CA9: variants seen among roughly 807,000 people sequenced by gnomAD.
The protein encoded by CA9 is carbonic anhydrase 9.
Under a neutral mutation model 51.8 loss-of-function variants are expected in CA9, and 43 were observed. The ratio of observed to expected loss-of-function variants is 0.83; its 90% CI spans 0.65 to 1.07. CA9 has a LOEUF of 1.07. Ranked by LOEUF, CA9 falls within the 50% of genes least tolerant of loss-of-function variation. The pLI is 0.00. For missense variants in CA9, 574 were observed against 581.4 expected (o/e 0.99, Z 0.13); for synonymous variants, 253 against 244.2 (o/e 1.04, Z -0.34).
At chr9:35,677,098 G>A (rs888916871) in intron 5 of CA9, among the ~76,000 whole-genome samples, 25 of 151,952 alleles carry the variant, frequency 1.6e-4, no homozygotes, top group Admixed American at 1.2e-3. Context: ...CAAGTGATCC[G>A]CCTGACTCAG....
chr9:35,680,247 G>A, intron 9 of CA9, 108 bp downstream of exon 9: 1 of 1,249,068 alleles, frequency 8.0e-7, no homozygotes, highest in South Asian at 1.2e-5. Context: ...CTGCAGAACA[G>A]ACCCCAACCC....
intron 7 of CA9, 63 bp downstream of exon 7, chr9:35,679,405 G>A: frequency 1.3e-6 from 2 of 1,546,338 alleles, no homozygotes; most frequent in East Asian, 2.3e-5. Context: ...GATGAGATGA[G>A]AAACAGGAGA....
intron 2 of CA9, 91 bp downstream of exon 2, chr9:35,675,658 T>TTCCC: frequency 1.9e-5 from 27 of 1,407,058 alleles, no homozygotes; most frequent in Middle Eastern, 2.4e-4. Context: ...GTCCCGGGCG[T>TTCCC]CCCACCCGCC....
At chr9:35,676,919 C>G (rs557814127) in intron 5 of CA9, among the ~76,000 whole-genome samples, 1 of 152,220 alleles carries the variant, frequency 6.6e-6, no homozygotes, top group South Asian at 2.1e-4. Flanking sequence ...GTGGTGTGAT[C>G]TTGGGTCACT....
chr9:35,676,470 C>A (rs1011156140), intron 5 of CA9, 81 bp downstream of exon 5: 4 of 1,160,612 alleles, frequency 3.4e-6, no homozygotes, highest in South Asian at 1.4e-5. Context: ...CCAGAGACCC[C>A]ATCCCAGCAA....
At chr9:35,679,652 T>C (rs1587946949) in intron 7 of CA9, among the ~76,000 whole-genome samples, 1 of 152,130 alleles carries the variant, frequency 6.6e-6, no homozygotes, top group Non-Finnish European at 1.5e-5. Context: ...TTCCAGGAGT[T>C]TGAGACTGCA....
In CA9 at chr9:35,679,254, A is replaced by T. The variant is rs3829078; in HGVS notation, c.977A>T (p.Gln326Leu). 1.2e-6 allele frequency: 2 copies of T among 1,613,932 alleles called. No individual in the cohort carries two copies. Among genetic ancestry groups the T allele is most frequent in the Non-Finnish European group, 1.7e-6 (2 of 1,179,964 alleles). ...LLPSDFSRYF[Q>L]YEGSLTTPPC... ...CCCTCTGACTTCAGCCGCTACTTCC[A>T]ATATGAGGGGTCTCTGACTACACCG... Residue 326 changes from glutamine to leucine, a missense_variant, in exon 7 of 11, where the codon CAA becomes CTA. Physicochemically the swap from Gln to Leu is moderately radical, Grantham distance 113. Coordinates refer to ENST00000378357, the MANE Select transcript of CA9 (RefSeq NM_001216.3).
intron 6 of CA9, 28 bp from the exon 7 acceptor site, chr9:35,679,157 G>A (rs754766262): frequency 1.1e-5 from 17 of 1,613,360 alleles, no homozygotes; most frequent in Non-Finnish European, 9.3e-6. Flanking sequence ...CAATGTAGAT[G>A]AGACCCCAAC....
In CA9 at chr9:35,681,057, C is replaced by A; in HGVS notation, c.*32C>A. The stretch of plus-strand genomic sequence containing the variant: ...GATCTTGGAGAATGTGAGAAGCCAG[C>A]CAGAGGCATCTGAGGGGGAGCCGGT... On this transcript the variant is annotated 3_prime_UTR_variant, in exon 11 of 11. Coordinates refer to ENST00000378357, the MANE Select transcript of CA9 (RefSeq NM_001216.3). 1.2e-6 allele frequency: 2 copies of A among 1,601,150 alleles called. No homozygotes were observed. The highest frequency in any genetic ancestry group is 1.1e-5 in the South Asian group (1 of 90,116).
chr9:35,675,633 C>G (rs962329725), intron 2 of CA9, 66 bp downstream of exon 2: 4 of 1,594,802 alleles, frequency 2.5e-6, no homozygotes, highest in Non-Finnish European at 2.6e-6. Context: ...CCCCTACAGC[C>G]GTCCCTGAAC....
chr9:35,676,996 G>T (rs1824435732), intron 5 of CA9, among the ~76,000 whole-genome samples: 1 of 152,150 alleles, frequency 6.6e-6, no homozygotes. Context: ...GGGGTTACAG[G>T]TGTGTGCCAC....
intron 6 of CA9, 58 bp downstream of exon 6, chr9:35,677,914 T>G: frequency 6.8e-7 from 1 of 1,477,856 alleles, no homozygotes; most frequent in South Asian, 1.1e-5. Context: ...GAATCACCCT[T>G]TGGAGCTTCA....
In CA9 at chr9:35,681,003, A is replaced by G. The variant is rs1824539851; in HGVS notation, c.1358A>G (p.Glu453Gly). 1.2e-6 allele frequency: 2 copies of G among 1,613,974 alleles called. No homozygotes were observed. Among genetic ancestry groups the G allele is most frequent in the Admixed American group, 1.7e-5 (1 of 60,002 alleles). ...GGGGGTGTGAGCTACCGCCCAGCAG[A>G]GGTAGCCGAGACTGGAGCCTAGAGG... Reference protein sequence around the residue: ...TKGGVSYRPAEVAETGA With the variant: ...TKGGVSYRPAGVAETGA Residue 453 changes from glutamate (E) to glycine (G), a missense_variant, in exon 11 of 11, where the codon GAG becomes GGG. By Grantham distance (98) the Glu-to-Gly change is moderately conservative. Coordinates refer to ENST00000378357, the MANE Select transcript of CA9 (RefSeq NM_001216.3).
At chr9:35,680,047 ATG>A in intron 8 of CA9, 49 bp downstream of exon 8, 1 of 1,613,966 alleles carries the variant, frequency 6.2e-7, no homozygotes, top group Non-Finnish European at 8.5e-7. Context: ...TTATCCTCCC[ATG>A]TGTGTGCCAG....
rs142538914 is a variant in CA9, at chr9:35,680,979, G to T, written c.1334G>T (p.Gly445Val). The T allele has an allele frequency of 6.2e-6, 10 of 1,613,990 alleles. No homozygotes were observed. The highest frequency in any genetic ancestry group is 2.2e-5 in the South Asian group (2 of 91,068). ...TGTACACACAGAAGGGGAACCAAAG[G>T]GGGTGTGAGCTACCGCCCAGCAGAG... The part of the protein sequence containing the change: ...MRRQHRRGTK[G>V]GVSYRPAEVA... The change falls in exon 11 of 11, where the codon GGG becomes GTG. Residue 445 changes from glycine (G) to valine (V), a missense_variant. Transcript: ENST00000378357.
chr9:35,676,129 C>A lies in CA9; in HGVS notation c.670C>A (p.Gln224Lys), dbSNP rs1824416609. The A allele has an allele frequency of 6.2e-7, 1 of 1,613,610 alleles. No individual in the cohort carries two copies. Among genetic ancestry groups the A allele is most frequent in the Admixed American group, 1.7e-5 (1 of 59,964 alleles). ...TCCCGGGCGGGAGTACCGGGCTCTG[C>A]AGCTGCATCTGCACTGGGGGGCTGC... ...LGPGREYRAL[Q>K]LHLHWGAAGR... Residue 224 changes from glutamine to lysine, a missense_variant, in exon 4 of 11, where the codon CAG becomes AAG. Transcript: ENST00000378357.
Position 35,676,094 on chromosome 9 carries a change from T to G in CA9, c.635T>G (p.Met212Arg). Residue 212 changes from methionine to arginine, a missense_variant, in exon 4 of 11, where the codon ATG becomes AGG. Transcript: ENST00000378357. Reference sequence around the variant, plus strand: ...CTGACCCTGCCTCCTGGGCTAGAGATGGCTCTGGGTCCCGGGCGGGAGTAC... The same window carrying G: ...CTGACCCTGCCTCCTGGGCTAGAGAGGGCTCTGGGTCCCGGGCGGGAGTAC... ...VQLTLPPGLE[M>R]ALGPGREYRA... is the part of the protein sequence containing the mutation. 3.1e-6 allele frequency: 5 copies of G among 1,613,682 alleles called. No individual in the cohort carries two copies. The highest frequency in any genetic ancestry group is 3.4e-6 in the Non-Finnish European group (4 of 1,179,884).
rs1478619207 is a variant in CA9 at position 35,676,146 on chromosome 9, G to C, written c.687G>C (p.Trp229Cys). The C allele has an allele frequency of 3.1e-6, 5 of 1,613,294 alleles. No homozygotes were observed. The South Asian group carries it at 4.4e-5, about 14-fold the overall frequency. The part of the protein sequence containing the change: ...EYRALQLHLH[W>C]GAAGRPGSEH... ...GGGCTCTGCAGCTGCATCTGCACTG[G>C]GGGGCTGCAGGTCGTCCGGGCTCGG... Residue 229 changes from tryptophan (W) to cysteine (C), a missense_variant, in exon 4 of 11, where the codon TGG (tryptophan) becomes TGC (cysteine). Coordinates refer to ENST00000378357, the MANE Select transcript of CA9 (RefSeq NM_001216.3).
At position 35,677,730 on chromosome 9, in the gene CA9, C is replaced by T. The variant is rs552921510; in HGVS notation, c.841-60C>T. ...TCTATGGGAACCCCCCTTCATGTTCCGGCCTTCAGCCATGGCCCTGGATAC... is the reference window on the plus strand; with the variant it reads ...TCTATGGGAACCCCCCTTCATGTTCTGGCCTTCAGCCATGGCCCTGGATAC... On this transcript the variant is annotated intron_variant, in intron 5 of 10. Transcript: ENST00000378357. 12 of 1,357,786 alleles carry T rather than the reference C, an allele frequency of 8.8e-6. No individual in the cohort carries two copies. The Admixed American group carries it at 1.0e-4, about 11-fold the overall frequency. 84.1% of individuals were successfully genotyped at this position (1,357,786 alleles called of 1,614,324 possible).
Sources: allele counts gnomAD v4.1 joint callset (sites outside exome capture counted in the v4.1 genomes callset), GRCh38; gene constraint gnomAD v4.1.1; transcripts MANE v1.5; gene names NCBI Gene and HGNC (gene_info 2026-07-23, HGNC 2026-07-21).